ECPAS: variants seen among roughly 807,000 people sequenced by gnomAD.
The protein encoded by ECPAS is proteasome adapter and scaffold protein ECM29.
In ECPAS, 70 loss-of-function variants were observed where a neutral mutation model predicts 255.1. That is an observed-to-expected ratio of 0.27 (90% CI 0.23 to 0.33). The LOEUF is 0.33. Among genes scored for constraint, ECPAS ranks in the 10% least tolerant of loss-of-function variants. The pLI is 1.00. For missense variants in ECPAS, 1,817 were observed against 2,206.4 expected (o/e 0.82, Z 3.54); for synonymous variants, 784 against 775.0 (o/e 1.01, Z -0.19).
At chr9:111,381,123 C>G (rs888525310) in intron 35 of ECPAS, among the ~76,000 whole-genome samples, 2 of 152,256 alleles carry the variant, frequency 1.3e-5, no homozygotes, top group Non-Finnish European at 2.9e-5. Flanking sequence ...CAGCCTATCT[C>G]AGCTTTCATG....
chr9:111,368,339 G>C (rs1328081383), intron 46 of ECPAS, among the ~76,000 whole-genome samples: 1 of 152,144 alleles, frequency 6.6e-6, no homozygotes, highest in African/African-American at 2.4e-5. Flanking sequence ...GTTGCTTACT[G>C]AACACTTGGT....
rs747837113 is a variant in ECPAS at position 111,375,118 on chromosome 9, T to G, written c.4105A>C (p.Thr1369Pro). 6.2e-7 allele frequency: 1 copy of G among 1,609,090 alleles called. No individual in the cohort carries two copies. Among genetic ancestry groups the G allele is most frequent in the Non-Finnish European group, 8.5e-7 (1 of 1,177,018 alleles). ...CTTGTGGAAAGTACACTTACCTTAG[T>G]TCCAAGACCTACACCACTTCTGATC... Reference protein sequence around the residue: ...ELIRSGVGLGTKGGCASVIVS... With the variant: ...ELIRSGVGLGPKGGCASVIVS... The change falls in exon 38 of 50, where the codon ACT becomes CCT. Residue 1369 changes from threonine (T) to proline (P), a missense_variant. Transcript: ENST00000684092.
Position 111,414,457 on chromosome 9 carries a change from C to T in ECPAS, c.1959G>A (p.Leu653=). 6.2e-7 allele frequency: 1 copy of T among 1,613,878 alleles called. No individual in the cohort carries two copies. Among genetic ancestry groups the T allele is most frequent in the Non-Finnish European group, 8.5e-7 (1 of 1,179,782 alleles). ...CAACACCTGCTAACAGCTGCTGAAGCAGGCCAATGTAGATCTGGACAGGGT... is the reference window on the plus strand; with the variant it reads ...CAACACCTGCTAACAGCTGCTGAAGTAGGCCAATGTAGATCTGGACAGGGT... The part of the protein sequence containing the change: ...ETNPVQIYIG[L]LQQLLAGVGG... The change falls in exon 19 of 50, where the codon CTG becomes CTA. Residue 653 remains leucine, a synonymous_variant. Coordinates refer to ENST00000684092, the MANE Select transcript of ECPAS (RefSeq NM_001364929.1).
intron 25 of ECPAS, among the ~76,000 whole-genome samples, chr9:111,395,796 T>C (rs1221929677): frequency 5.9e-5 from 9 of 152,170 alleles, no homozygotes; most frequent in Non-Finnish European, 2.9e-5. Context: ...CACTTCAGGT[T>C]TGGTTGTCTT....
intron 49 of ECPAS, among the ~76,000 whole-genome samples, chr9:111,362,771 C>T (rs1388204410): frequency 6.6e-6 from 1 of 152,116 alleles, no homozygotes; most frequent in Non-Finnish European, 1.5e-5. Context: ...TTATTTTCCT[C>T]ATCTGGACTA....
chr9:111,454,310 TG>T (rs71501914), intron 2 of ECPAS, among the ~76,000 whole-genome samples: 5 of 20,092 alleles, frequency 2.5e-4, no homozygotes, highest in East Asian at 3.5e-3. Flanking sequence ...TGGGGGGAGA[TG>T]GGGGGGTGGG....
chr9:111,447,668 C>T (rs1446154031), intron 3 of ECPAS, among the ~76,000 whole-genome samples: 1 of 151,958 alleles, frequency 6.6e-6, no homozygotes, highest in Non-Finnish European at 1.5e-5. Flanking sequence ...ATTCCATTTC[C>T]CCTATTCCAA....
At chr9:111,476,552 T>C (rs1210138213) in intron 1 of ECPAS, among the ~76,000 whole-genome samples, 1 of 151,996 alleles carries the variant, frequency 6.6e-6, no homozygotes, top group African/African-American at 2.4e-5. Flanking sequence ...AAATCTACTA[T>C]GTTCTGTTCA....
Position 111,430,573 on chromosome 9 carries a change from C to A in ECPAS, c.904G>T (p.Gly302Ter). The change falls in exon 9 of 50, where the codon GGA (glycine) becomes TGA (stop). Residue 302 changes from glycine to a stop codon, truncating the protein, a stop_gained. Coordinates refer to ENST00000684092, the MANE Select transcript of ECPAS (RefSeq NM_001364929.1). LOFTEE classifies it high-confidence loss of function. Reference protein sequence around the residue: ...IINKMYKVYLGDIPLKTKEGA... With the variant: ...IINKMYKVYL ...TCTTTTGTCTTCAGTGGTATATCTC[C>A]AAGGTACACCTTGTACATCTTATTA... 1 of 1,599,488 alleles carries A rather than the reference C, an allele frequency of 6.3e-7. No homozygotes were observed.
intron 24 of ECPAS, 35 bp downstream of exon 24, chr9:111,408,536 C>A: frequency 2.3e-6 from 3 of 1,287,258 alleles, no homozygotes; most frequent in Non-Finnish European, 2.1e-6. Flanking sequence ...TGCCTTTTCT[C>A]TGAATAACTA....
intron 41 of ECPAS, 77 bp downstream of exon 41, chr9:111,373,092 TA>T: frequency 9.3e-7 from 1 of 1,079,508 alleles, no homozygotes. Context: ...TCATGGAGGG[TA>T]AGACCTAATT....
In ECPAS at chr9:111,373,353, G is replaced by T. The variant is rs1178107486; in HGVS notation, c.4231C>A (p.Gln1411Lys). The change falls in exon 40 of 50, where the codon CAG becomes AAG. Residue 1411 changes from glutamine to lysine, a missense_variant. This residue lies in a region of ECPAS where 960 missense variants were observed against 1,179.0 expected (regional missense o/e 0.81). Transcript: ENST00000684092. The stretch of plus-strand genomic sequence containing the variant: ...CCCATAGCAAATGCACAAGATTTCT[G>T]AATCACACTGTTCCGATCTGTCAGG... ...SGLTDRNSVI[Q>K]KSCAFAMGHL... The T allele has an allele frequency of 6.2e-7, 1 of 1,613,750 alleles. No individual in the cohort carries two copies. Among genetic ancestry groups the T allele is most frequent in the East Asian group, 2.2e-5 (1 of 44,860 alleles).
intron 13 of ECPAS, among the ~76,000 whole-genome samples, chr9:111,422,476 T>C (rs1011123075): frequency 1.3e-5 from 2 of 152,184 alleles, no homozygotes; most frequent in African/African-American, 4.8e-5. Flanking sequence ...AAGACCAAAC[T>C]GTGATCTAAA....
At position 111,371,738 on chromosome 9, in the gene ECPAS, C is replaced by A. The variant is rs376101353; in HGVS notation, c.4620G>T (p.Gln1540His). 1.2e-6 allele frequency: 2 copies of A among 1,613,798 alleles called. No homozygotes were observed. The highest frequency in any genetic ancestry group is 1.3e-5 in the African/African-American group (1 of 75,018). Reference sequence around the variant, plus strand: ...CAATTGATGCCATGGCAATTGCACCCTGGGCTTTCATTTTCCAGGACTGAG... The same window carrying A: ...CAATTGATGCCATGGCAATTGCACCATGGGCTTTCATTTTCCAGGACTGAG... ...LQSQSWKMKA[Q>H]GAIAMASIAK... is the part of the protein sequence containing the mutation. The change falls in exon 43 of 50, where the codon CAG (glutamine) becomes CAT (histidine). Residue 1540 changes from glutamine (Q) to histidine (H), a missense_variant. By Grantham distance (24) the Gln-to-His change is conservative. This residue lies in a region of ECPAS where 960 missense variants were observed against 1,179.0 expected (regional missense o/e 0.81). Transcript: ENST00000684092.
chr9:111,412,032 C>T lies in ECPAS; in HGVS notation c.2196G>A (p.Lys732=). ...ELKSMIEQLI[K]TTKDNHSPEI... is the part of the protein sequence containing the mutation. ...AACATACGTGATTGTCTTTTGTAGT[C>T]TTTATAAGCTGTTCTATCATTGATT... Residue 732 remains lysine, a synonymous_variant, in exon 21 of 50, where the codon AAG becomes AAA. Transcript: ENST00000684092. 1 of 1,571,794 alleles carries T rather than the reference C, an allele frequency of 6.4e-7. No homozygotes were observed. Among genetic ancestry groups the T allele is most frequent in the Non-Finnish European group, 8.6e-7 (1 of 1,167,714 alleles).
At chr9:111,473,929 T>G (rs538102044) in intron 1 of ECPAS, among the ~76,000 whole-genome samples, 1 of 152,076 alleles carries the variant, frequency 6.6e-6, no homozygotes, top group East Asian at 1.9e-4. Context: ...ATCACACCAC[T>G]GTACTTCAGC....
At chr9:111,395,795 TTTGG>T (rs1284470821) in intron 25 of ECPAS, among the ~76,000 whole-genome samples, 1 of 152,106 alleles carries the variant, frequency 6.6e-6, no homozygotes, top group Non-Finnish European at 1.5e-5. Context: ...CCACTTCAGG[TTTGG>T]TTGTCTTCTT....
chr9:111,410,910 A>T (rs770444805), intron 22 of ECPAS, 70 bp downstream of exon 22: 4 of 1,437,908 alleles, frequency 2.8e-6, no homozygotes, highest in Non-Finnish European at 2.9e-6. Flanking sequence ...AAAGAAACTG[A>T]AACGCCATAT....
chr9:111,429,688 A>C (rs1416846983), intron 9 of ECPAS, among the ~76,000 whole-genome samples: 1 of 152,206 alleles, frequency 6.6e-6, no homozygotes, highest in Non-Finnish European at 1.5e-5. Context: ...TTGATTTTTA[A>C]AACAAGTATT....
Sources: gnomAD v4.1 joint callset for allele counts (sites outside exome capture counted in the v4.1 genomes callset) on GRCh38, gnomAD v4.1.1 for gene constraint, gnomAD v4.1.1 regional missense constraint, MANE v1.5 for transcripts, NCBI Gene and HGNC (gene_info 2026-07-23, HGNC 2026-07-21) for gene names.